The following DZIP1L variants were observed in gnomAD, a reference collection of about 807,000 sequenced individuals.
The protein encoded by DZIP1L is cilium assembly protein DZIP1L.
A neutral mutation model predicts 88.7 loss-of-function variants in DZIP1L; 90 were observed. That is an observed-to-expected ratio of 1.02 (90% CI 0.86 to 1.21). The LOEUF is 1.21. DZIP1L is among the 50% of genes most tolerant of loss of function. The pLI is 0.00. For missense variants in DZIP1L, 932 were observed against 955.8 expected, an observed-to-expected ratio of 0.98 and a Z score of 0.33; for synonymous variants, 363 against 372.1, an observed-to-expected ratio of 0.98 and a Z score of 0.28.
intron 2 of DZIP1L, chr3:138,101,432 G>C (rs962260561): frequency 1.7e-5 from 12 of 720,392 alleles, no homozygotes; most frequent in Non-Finnish European, 2.5e-5. Context: ...GCTGGGCTCT[G>C]GGGCAGCCGC....
At chr3:138,102,952 C>T in intron 2 of DZIP1L, 2 of 519,998 alleles carry the variant, frequency 3.8e-6, no homozygotes, top group South Asian at 4.0e-5. Context: ...TGGGCTGAAC[C>T]AGGCGGAGAT....
intron 1 of DZIP1L, among the ~76,000 whole-genome samples, chr3:138,109,451 T>C (rs1183025561): frequency 6.6e-6 from 1 of 152,216 alleles, no homozygotes; most frequent in East Asian, 1.9e-4. Flanking sequence ...CCTCCTTTTG[T>C]TCCAATTAAA....
chr3:138,089,704 T>C (rs1944114698), intron 5 of DZIP1L, among the ~76,000 whole-genome samples: 1 of 152,184 alleles, frequency 6.6e-6, no homozygotes, highest in South Asian at 2.1e-4. Context: ...ATTAACAAAA[T>C]GACTACCCAA....
chr3:138,102,408 C>T (rs2042348732), intron 2 of DZIP1L: 1 of 1,353,218 alleles, frequency 7.4e-7, no homozygotes, highest in Non-Finnish European at 1.0e-6. Context: ...CTCCACCCAG[C>T]CCCTGCATGT....
chr3:138,111,167 A>C (rs1292632235), intron 1 of DZIP1L, among the ~76,000 whole-genome samples: 1 of 152,216 alleles, frequency 6.6e-6, no homozygotes, highest in Non-Finnish European at 1.5e-5. Flanking sequence ...CCAGATTGCT[A>C]CTGAACGGAG....
Position 138,064,678 on chromosome 3 carries a change from T to C in DZIP1L, c.2092A>G (p.Met698Val). Residue 698 changes from methionine to valine, a missense_variant, in exon 15 of 16, where the codon ATG (methionine) becomes GTG (valine). Coordinates refer to ENST00000327532, the MANE Select transcript of DZIP1L (RefSeq NM_173543.3). ...KPAGGVSLFF[M>V]PNAGPQRAAT... ...GCCCTCTGTGGCCCAGCATTGGGCA[T>C]AAAAAACAGACTGACCCCTCCAGCA... The C allele has an allele frequency of 6.2e-7, 1 of 1,614,100 alleles. No individual in the cohort carries two copies. Among genetic ancestry groups the C allele is most frequent in the Non-Finnish European group, 8.5e-7 (1 of 1,179,998 alleles).
intron 2 of DZIP1L, among the ~76,000 whole-genome samples, chr3:138,100,657 T>A (rs329384): frequency 0.62 from 93,579 of 152,030 alleles, 29,953 homozygotes; most frequent in Non-Finnish European, 0.7. Flanking sequence ...CCAGGTGGCA[T>A]TGGAGAATTG....
intron 15 of DZIP1L, 187 bp downstream of exon 15, chr3:138,064,441 G>T: frequency 6.4e-7 from 1 of 1,566,994 alleles, no homozygotes; most frequent in Non-Finnish European, 8.6e-7. Flanking sequence ...TGTTAACTTG[G>T]ATACAAGTAT....
intron 1 of DZIP1L, among the ~76,000 whole-genome samples, chr3:138,111,453 G>A (rs1050689750): frequency 3.3e-5 from 5 of 152,144 alleles, no homozygotes; most frequent in Admixed American, 1.3e-4. Flanking sequence ...ATGAGAAGTC[G>A]CAGTGCCCAC....
chr3:138,087,180 G>C (rs1047201701), intron 6 of DZIP1L, among the ~76,000 whole-genome samples, 157 bp from the exon 7 acceptor site: 1 of 152,148 alleles, frequency 6.6e-6, no homozygotes, highest in Non-Finnish European at 1.5e-5. Flanking sequence ...TAGAAACTAA[G>C]TATGAGGAGA....
chr3:138,104,113 T>C, intron 1 of DZIP1L, 61 bp from the exon 2 acceptor site: 1 of 1,437,842 alleles, frequency 7.0e-7, no homozygotes, highest in Non-Finnish European at 9.1e-7. Context: ...CTACTGTATA[T>C]CTGGCCAGCA....
chr3:138,107,232 G>T (rs556104774), intron 1 of DZIP1L, among the ~76,000 whole-genome samples: 1 of 152,334 alleles, frequency 6.6e-6, no homozygotes, highest in Non-Finnish European at 1.5e-5. Context: ...GGACATTTAA[G>T]AGGTGATTAA....
chr3:138,071,230 T>TG (rs1247340327), intron 12 of DZIP1L, among the ~76,000 whole-genome samples: 4 of 152,244 alleles, frequency 2.6e-5, no homozygotes, highest in Non-Finnish European at 5.9e-5. Flanking sequence ...CCCGGGCCTC[T>TG]GCCTGCCTCC....
intron 15 of DZIP1L, chr3:138,064,325 A>G: frequency 8.1e-7 from 1 of 1,230,308 alleles, no homozygotes; most frequent in Non-Finnish European, 1.0e-6. Flanking sequence ...CAGCTGCTGC[A>G]GGATGCCAGA....
At chr3:138,083,238 G>C (rs1576460955) in intron 8 of DZIP1L, among the ~76,000 whole-genome samples, 1 of 152,122 alleles carries the variant, frequency 6.6e-6, no homozygotes, top group African/African-American at 2.4e-5. Flanking sequence ...TGAGTGTTTT[G>C]GGGGGAAACT....
At chr3:138,101,200 A>G (rs1289375302) in intron 2 of DZIP1L, among the ~76,000 whole-genome samples, 1 of 149,666 alleles carries the variant, frequency 6.7e-6, no homozygotes, top group African/African-American at 2.5e-5. Context: ...TATACCCTTC[A>G]TTCATTCACA....
rs11917468 is a variant in DZIP1L at position 138,068,331 on chromosome 3, G to A, written c.1652C>T (p.Ala551Val). The A allele has an allele frequency of 9.3e-3, 14,697 of 1,578,712 alleles. 1,140 individuals carry two copies. The African/African-American group carries it at 0.17, about 18-fold the overall frequency. The change falls in exon 13 of 16, where the codon GCC (alanine) becomes GTC (valine). Residue 551 changes from alanine (A) to valine (V), a missense_variant. Coordinates refer to ENST00000327532, the MANE Select transcript of DZIP1L (RefSeq NM_173543.3). ...SQQSTLVTRE[A>V]QPKTRTLQVA... ...CTGCAGGGTCCTGGTCTTTGGCTGG[G>A]CCTCTCTGGTGACCAGTGTGCTCTG...
chr3:138,084,277 C>A, intron 7 of DZIP1L, 24 bp from the exon 8 acceptor site: 1 of 1,610,322 alleles, frequency 6.2e-7, no homozygotes, highest in South Asian at 1.1e-5. Context: ...GATGGCTGGT[C>A]AGTCAAATGT....
At chr3:138,114,691 G>A (rs1339902125) in intron 1 of DZIP1L, among the ~76,000 whole-genome samples, 2 of 152,088 alleles carry the variant, frequency 1.3e-5, no homozygotes, top group Non-Finnish European at 2.9e-5. Context: ...CTAGGCCCTG[G>A]GCCCCTAGGA....
Sources: allele counts gnomAD v4.1 joint callset (sites outside exome capture counted in the v4.1 genomes callset), GRCh38; gene constraint gnomAD v4.1.1; transcripts MANE v1.5; gene names NCBI Gene and HGNC (gene_info 2026-07-23, HGNC 2026-07-21).